Variants in SRBD1 observed in about 807,000 individuals in gnomAD.
SRBD1 encodes the protein S1 RNA-binding domain-containing protein 1.
Under a neutral mutation model 115.3 loss-of-function variants are expected in SRBD1, and 88 were observed. That is an observed-to-expected ratio of 0.76 (90% CI 0.64 to 0.91). The LOEUF (loss-of-function observed/expected upper bound fraction) is 0.91. SRBD1 is among the 40% of genes least tolerant of loss of function. SRBD1 has a pLI of 0.00. For synonymous variants in SRBD1, 509 were observed against 407.7 expected (o/e 1.25, Z -2.99); for missense variants, 1,385 against 1,177.4 (o/e 1.18, Z -2.58).
chr2:45,546,112 T>C, intron 14 of SRBD1: 1 of 954,542 alleles, frequency 1.0e-6, no homozygotes, highest in Non-Finnish European at 1.2e-6. Context: ...AAGACATGAC[T>C]ATTGAGATCC....
chr2:45,392,956 T>TA lies in SRBD1; in HGVS notation c.2686_2687insT (p.Asp896ValfsTer7), dbSNP rs1558548210. On this transcript the variant is annotated frameshift_variant, in exon 20 of 21. Transcript: ENST00000263736. LOFTEE classifies it high-confidence loss of function. ...GTTCAACTGTTTACCTGTTCGAAAG[T>TA]CAAAGCTTTCAGGCTGGCTGAGACC... The TA allele has an allele frequency of 6.2e-7, 1 of 1,604,730 alleles. No homozygotes were observed. Among genetic ancestry groups the TA allele is most frequent in the Non-Finnish European group, 8.5e-7 (1 of 1,175,214 alleles).
At position 45,420,303 on chromosome 2, in the gene SRBD1, T is replaced by G. The variant is rs145870034; in HGVS notation, c.2050-409A>C. Among the ~76,000 whole-genome samples, 4 of 152,314 alleles carry G rather than the reference T, an allele frequency of 2.6e-5. 1 individual carries two copies. Among genetic ancestry groups the G allele is most frequent in the African/African-American group, 9.6e-5 (4 of 41,564 alleles). ...TGATACTGTGGCTGCTAGATCACAA[T>G]GAGACATAGTCTCTAACATTCATGC... On this transcript the variant is annotated intron_variant, in intron 16 of 20. Transcript: ENST00000263736.
chr2:45,453,378 T>C (rs148836753), intron 16 of SRBD1, among the ~76,000 whole-genome samples: 74 of 152,042 alleles, frequency 4.9e-4, no homozygotes, highest in Non-Finnish European at 7.5e-4. Flanking sequence ...TAAGCACTTT[T>C]ATTAGCTAGA....
At chr2:45,499,868 G>T (rs1284413986) in intron 14 of SRBD1, among the ~76,000 whole-genome samples, 2 of 152,046 alleles carry the variant, frequency 1.3e-5, no homozygotes, top group African/African-American at 4.8e-5. Context: ...CTGTTTTTAT[G>T]CCAGTATCAT....
intron 4 of SRBD1, among the ~76,000 whole-genome samples, chr2:45,588,218 C>T (rs546717031): frequency 6.6e-6 from 1 of 152,138 alleles, no homozygotes; most frequent in African/African-American, 2.4e-5. Flanking sequence ...ACTGATTTCC[C>T]GTTGCATTTG....
chr2:45,522,663 C>T (rs1374468028), intron 14 of SRBD1, among the ~76,000 whole-genome samples: 1 of 152,208 alleles, frequency 6.6e-6, no homozygotes, highest in East Asian at 1.9e-4. Flanking sequence ...AACTCCTCCT[C>T]TTCCTTTTTC....
At chr2:45,564,733 C>G (rs776920454) in intron 9 of SRBD1, among the ~76,000 whole-genome samples, 2 of 152,118 alleles carry the variant, frequency 1.3e-5, no homozygotes, top group Non-Finnish European at 2.9e-5. Flanking sequence ...CAGGTTTAAA[C>G]TGCATGTGTT....
chr2:45,597,330 G>C (rs1233663559), intron 4 of SRBD1, among the ~76,000 whole-genome samples: 1 of 151,726 alleles, frequency 6.6e-6, no homozygotes, highest in African/African-American at 2.4e-5. Context: ...TGAGGCAGGA[G>C]AATCGCTTGA....
At chr2:45,393,722 A>G (rs1437281845) in intron 19 of SRBD1, among the ~76,000 whole-genome samples, 2 of 152,242 alleles carry the variant, frequency 1.3e-5, no homozygotes, top group Non-Finnish European at 2.9e-5. Flanking sequence ...GTTTAGTGTC[A>G]CATATATTTT....
intron 19 of SRBD1, among the ~76,000 whole-genome samples, chr2:45,410,176 G>A (rs1450556682): frequency 6.6e-6 from 1 of 152,168 alleles, no homozygotes; most frequent in Non-Finnish European, 1.5e-5. Flanking sequence ...CCAGGGAAAT[G>A]CAAATTAAAA....
chr2:45,551,127 G>GT lies in SRBD1; in HGVS notation c.1672dup (p.Thr558AsnfsTer2), dbSNP rs1442060506. The GT allele has an allele frequency of 6.3e-7, 1 of 1,590,684 alleles. No individual in the cohort carries two copies. Among genetic ancestry groups the GT allele is most frequent in the African/African-American group, 1.4e-5 (1 of 73,462 alleles). The stretch of plus-strand genomic sequence containing the variant: ...TGGAAAATTGCAAGACAACTTACTA[G>GT]TAGGAGAAATTATAGCTAATTTGCA... On this transcript the variant is annotated frameshift_variant, in exon 12 of 21. Coordinates refer to ENST00000263736, the MANE Select transcript of SRBD1 (RefSeq NM_018079.5). LOFTEE classifies it high-confidence loss of function.
Position 45,601,956 on chromosome 2 carries a change from T to G in SRBD1, c.208A>C (p.Asn70His), listed in dbSNP as rs1365159605. 1 of 1,614,230 alleles carries G rather than the reference T, an allele frequency of 6.2e-7. No individual in the cohort carries two copies. The highest frequency in any genetic ancestry group is 1.7e-5 in the Admixed American group (1 of 60,028). Residue 70 changes from asparagine (N) to histidine (H), a missense_variant, in exon 3 of 21, where the codon AAT (asparagine) becomes CAT (histidine). Coordinates refer to ENST00000263736, the MANE Select transcript of SRBD1 (RefSeq NM_018079.5). ...GAGCCATCACTGATCTGTGGGGCATTCTTCTTCACCCGAGGCATCCTCTTT... is the reference window on the plus strand; with the variant it reads ...GAGCCATCACTGATCTGTGGGGCATGCTTCTTCACCCGAGGCATCCTCTTT... ...KPKRMPRVKK[N>H]APQISDGSEV...
intron 9 of SRBD1, among the ~76,000 whole-genome samples, chr2:45,569,673 C>T (rs1280129111): frequency 1.3e-5 from 2 of 152,036 alleles, no homozygotes; most frequent in African/African-American, 2.4e-5. Flanking sequence ...TTCAAATCTC[C>T]CCCTTCCTTT....
intron 4 of SRBD1, among the ~76,000 whole-genome samples, chr2:45,597,371 G>T (rs945589188): frequency 6.6e-6 from 1 of 150,744 alleles, no homozygotes. Context: ...AGTGAGCCAA[G>T]ATCGCGCCAC....
intron 16 of SRBD1, among the ~76,000 whole-genome samples, chr2:45,444,242 C>G (rs1668755018): frequency 6.6e-6 from 1 of 151,798 alleles, no homozygotes; most frequent in Admixed American, 6.6e-5. Context: ...CCTAACTTTA[C>G]AAAAAAAATT....
rs1672155705 is a variant in SRBD1 at position 45,547,457 on chromosome 2, G to A, written c.1766+65C>T. ...CCTTAATCCCTCCCTCCAAATTAGGGGCTTCAAAGGTATCTCTGGTTGACT... is the reference window on the plus strand; with the variant it reads ...CCTTAATCCCTCCCTCCAAATTAGGAGCTTCAAAGGTATCTCTGGTTGACT... On this transcript the variant is annotated intron_variant, in intron 13 of 20. Transcript: ENST00000263736. 8 of 1,398,694 alleles carry A rather than the reference G, an allele frequency of 5.7e-6. No homozygotes were observed. In the East Asian group the frequency reaches 1.9e-4, roughly 33 times the overall value. 86.6% of individuals were successfully genotyped at this position (1,398,694 alleles called of 1,614,324 possible).
At position 45,413,181 on chromosome 2, in the gene SRBD1, C is replaced by T. The variant is rs1667654606; in HGVS notation, c.2446G>A (p.Val816Ile). Reference protein sequence around the residue: ...GKKKSKTAVNVLLKPNPLDQT... With the variant: ...GKKKSKTAVNILLKPNPLDQT... Reference sequence around the variant, plus strand: ...TCCAAAGGATTTGGCTTCAGTAAAACATTCACTGCAGTTTTGCTCTTCTTT... The same window carrying T: ...TCCAAAGGATTTGGCTTCAGTAAAATATTCACTGCAGTTTTGCTCTTCTTT... Residue 816 changes from valine to isoleucine, a missense_variant, in exon 19 of 21, where the codon GTT becomes ATT. Val to Ile is a conservative substitution (Grantham distance 29, BLOSUM62 3). Coordinates refer to ENST00000263736, the MANE Select transcript of SRBD1 (RefSeq NM_018079.5). The T allele has an allele frequency of 1.9e-6, 3 of 1,614,086 alleles. No individual in the cohort carries two copies. The highest frequency in any genetic ancestry group is 2.7e-5 in the African/African-American group (2 of 75,040).
chr2:45,504,587 A>G (rs1159755367), intron 14 of SRBD1, among the ~76,000 whole-genome samples: 3 of 152,340 alleles, frequency 2.0e-5, no homozygotes, highest in East Asian at 3.9e-4. Flanking sequence ...GCAAAATAAT[A>G]ATAGTTTTTT....
intron 16 of SRBD1, among the ~76,000 whole-genome samples, chr2:45,438,663 T>C (rs961447590): frequency 1.3e-5 from 2 of 152,016 alleles, no homozygotes; most frequent in Non-Finnish European, 2.9e-5. Context: ...GCAGAAATTA[T>C]CCTATCTGAA....
Sources: allele counts gnomAD v4.1 joint callset (sites outside exome capture counted in the v4.1 genomes callset), GRCh38; gene constraint gnomAD v4.1.1; transcripts MANE v1.5; gene names NCBI Gene and HGNC (gene_info 2026-07-23, HGNC 2026-07-21).